The following SYBU variants were observed in gnomAD, a reference collection of about 807,000 sequenced individuals.
SYBU encodes GOLSYN A protein.
Under a neutral mutation model 35.9 loss-of-function variants are expected in SYBU, and 21 were observed. The observed-to-expected ratio is 0.58, with a 90% CI of 0.41 to 0.84. The LOEUF (loss-of-function observed/expected upper bound fraction) is 0.84, where lower values mean the gene tolerates loss of function less well. SYBU is among the 40% of genes least tolerant of loss of function. The pLI is 0.00. For synonymous variants in SYBU, 319 were observed against 324.3 expected (o/e 0.98, Z 0.18); for missense variants, 768 against 848.2 (o/e 0.91, Z 1.17).
intron 4 of SYBU, 176 bp from the exon 5 acceptor site, chr8:109,580,178 T>C: frequency 3.3e-6 from 2 of 599,410 alleles, no homozygotes; most frequent in Non-Finnish European, 5.9e-6. Flanking sequence ...GTATTTTCTC[T>C]CCTTGTGACA....
At chr8:109,645,438 G>A, upstream of SYBU, 3 of 420,734 alleles carry the variant, frequency 7.1e-6, no homozygotes, top group South Asian at 3.4e-5. Flanking sequence ...AAGCCAGGCT[G>A]CTATGTAGCC....
At chr8:109,610,429 G>T (rs1283531320) in intron 3 of SYBU, among the ~76,000 whole-genome samples, 1 of 152,182 alleles carries the variant, frequency 6.6e-6, no homozygotes, top group Non-Finnish European at 1.5e-5. Flanking sequence ...TCTTGATTAC[G>T]TGGTGAAATG....
At chr8:109,616,006 CTTT>C (rs35120699) in intron 3 of SYBU, among the ~76,000 whole-genome samples, 3 of 67,774 alleles carry the variant, frequency 4.4e-5, no homozygotes, top group Non-Finnish European at 7.8e-5. Flanking sequence ...TCTTTTCTTT[CTTT>C]TTTTTTTTTT....
intron 1 of SYBU, among the ~76,000 whole-genome samples, chr8:109,670,456 T>G (rs1816938916): frequency 6.6e-6 from 1 of 151,818 alleles, no homozygotes; most frequent in African/African-American, 2.4e-5. Context: ...AAAAATAAAT[T>G]TTTAATACTA....
chr8:109,669,488 T>C (rs1424424059), intron 1 of SYBU, among the ~76,000 whole-genome samples: 1 of 152,212 alleles, frequency 6.6e-6, no homozygotes, highest in Non-Finnish European at 1.5e-5. Context: ...TGTTGAAGTT[T>C]AGCTGGTAAA....
At position 109,689,294 on chromosome 8, in the gene SYBU, TTTA is replaced by T. The variant is rs1817590994; in HGVS notation, c.-58+2036_-58+2038del. Among the ~76,000 whole-genome samples, 4 of 152,140 alleles carry T rather than the reference TTTA, an allele frequency of 2.6e-5. No individual in the cohort carries two copies. In the South Asian group the frequency reaches 8.3e-4, roughly 31 times the overall value. ...AAAACTGACATTGGTGCAATGCCTG[TTTA>T]CAGCTCTATGATTTTTTAAAATTTT... is the stretch of plus-strand genomic sequence containing the variant. On this transcript the variant is annotated intron_variant, in intron 1 of 7. Coordinates refer to the SYBU transcript ENST00000422135.
At chr8:109,653,406 C>T (rs1481350137) in intron 1 of SYBU, among the ~76,000 whole-genome samples, 1 of 152,044 alleles carries the variant, frequency 6.6e-6, no homozygotes, top group Non-Finnish European at 1.5e-5. Context: ...CTTTGCCTGC[C>T]TATTACCTTT....
chr8:109,679,105 C>T (rs1304667972), intron 1 of SYBU, among the ~76,000 whole-genome samples: 2 of 152,174 alleles, frequency 1.3e-5, no homozygotes, highest in African/African-American at 2.4e-5. Flanking sequence ...CCTTACTGCT[C>T]ATTATATGCT....
At chr8:109,596,337 T>G (rs781524747) in intron 3 of SYBU, among the ~76,000 whole-genome samples, 4 of 152,246 alleles carry the variant, frequency 2.6e-5, no homozygotes, top group Non-Finnish European at 5.9e-5. Flanking sequence ...TTTAATTTAT[T>G]TATTTACTGA....
chr8:109,588,127 G>A (rs1823833030), intron 3 of SYBU, among the ~76,000 whole-genome samples: 2 of 152,176 alleles, frequency 1.3e-5, no homozygotes, highest in Non-Finnish European at 2.9e-5. Context: ...CAGCCATCAG[G>A]TTTAAGATAC....
At chr8:109,630,113 G>C (rs1813441125) in intron 2 of SYBU, among the ~76,000 whole-genome samples, 2 of 151,730 alleles carry the variant, frequency 1.3e-5, no homozygotes, top group Non-Finnish European at 2.9e-5. Context: ...ATGAGTTCAT[G>C]TCCTTTGTAG....
chr8:109,663,563 A>T (rs369401222), intron 1 of SYBU, among the ~76,000 whole-genome samples: 14 of 152,178 alleles, frequency 9.2e-5, no homozygotes, highest in African/African-American at 2.9e-4. Context: ...CATAGTTAAC[A>T]TACAACCATG....
At chr8:109,687,990 T>C (rs1817558938) in intron 1 of SYBU, among the ~76,000 whole-genome samples, 1 of 152,230 alleles carries the variant, frequency 6.6e-6, no homozygotes, top group Admixed American at 6.5e-5. Flanking sequence ...ATATTTTCTC[T>C]ACTTACTCTG....
intron 1 of SYBU, among the ~76,000 whole-genome samples, chr8:109,686,649 G>A (rs933224148): frequency 6.6e-6 from 1 of 152,136 alleles, no homozygotes; most frequent in Non-Finnish European, 1.5e-5. Context: ...TACTACCAAA[G>A]ACATCAGTTC....
rs930220955 is a variant in SYBU, at chr8:109,653,405, C to A, written c.-129+27306G>T. Among the ~76,000 whole-genome samples the A allele has an allele frequency of 7.2e-5, 11 of 152,082 alleles. 1 individual carries two copies. In the South Asian group the frequency reaches 1.9e-3, roughly 26 times the overall value. ...CCCATCTTCCCCTGCCCTTTGCCTG[C>A]CTATTACCTTTGGATTTGCCTCCAA... is the stretch of plus-strand genomic sequence containing the variant. On this transcript the variant is annotated intron_variant, in intron 1 of 5. Transcript: ENST00000408889.
At chr8:109,617,722 T>G (rs1233776952) in intron 3 of SYBU, among the ~76,000 whole-genome samples, 3 of 152,212 alleles carry the variant, frequency 2.0e-5, no homozygotes, top group African/African-American at 7.2e-5. Flanking sequence ...TATTCCAAAG[T>G]GGGAGACTAT....
In SYBU at chr8:109,680,067, C is replaced by T. The variant is rs1037720591; in HGVS notation, c.-129+644G>A. ...GTGAAAGCTCCCAACCAGGAGAACA[C>T]GTATACACTCTCATATACTACAGAC... On this transcript the variant is annotated intron_variant, in intron 1 of 5. Transcript: ENST00000408889. 6 of 152,202 alleles carry T rather than the reference C, an allele frequency of 3.9e-5. No individual in the cohort carries two copies. The South Asian group carries it at 6.2e-4, about 16-fold the overall frequency. The allele number at this position is 152,202 out of a possible 1,614,324, so 9.4% of individuals were successfully genotyped here. A position where few individuals can be genotyped will look rare whatever the true frequency, so the allele number is the denominator to read the frequency against.
intron 2 of SYBU, among the ~76,000 whole-genome samples, chr8:109,631,253 A>C (rs1045309807): frequency 6.6e-6 from 1 of 152,174 alleles, no homozygotes; most frequent in African/African-American, 2.4e-5. Flanking sequence ...AGTATGTGCT[A>C]ATGAAAATTA....
chr8:109,617,322 T>C (rs1465579268), intron 3 of SYBU, among the ~76,000 whole-genome samples: 1 of 152,148 alleles, frequency 6.6e-6, no homozygotes, highest in Non-Finnish European at 1.5e-5. Context: ...TTTCAGGGAC[T>C]GGGGAAAGGG....
Sources: gnomAD v4.1 joint callset for allele counts (sites outside exome capture counted in the v4.1 genomes callset) on GRCh38, gnomAD v4.1.1 for gene constraint, MANE v1.5 for transcripts, NCBI Gene and HGNC (gene_info 2026-07-23, HGNC 2026-07-21) for gene names.